Variants in POC1B observed in about 807,000 individuals in gnomAD.
The protein encoded by POC1B is POC1 centriolar protein B.
In POC1B, 44 loss-of-function variants were observed where a neutral mutation model predicts 60.6. That is an observed-to-expected ratio of 0.73 (90% CI 0.57 to 0.93). POC1B has a LOEUF of 0.93. Ranked by LOEUF, POC1B falls within the 40% of genes least tolerant of loss-of-function variation. The probability of loss-of-function intolerance (pLI) is 0.00; values close to 1 mark genes in which losing one functional copy is unlikely to be tolerated. For synonymous variants in POC1B, 180 were observed against 198.9 expected (o/e 0.90, Z 0.80); for missense variants, 555 against 572.3 (o/e 0.97, Z 0.31).
At chr12:89,495,329 CT>C (rs1869189881) in intron 3 of POC1B, among the ~76,000 whole-genome samples, 1 of 152,222 alleles carries the variant, frequency 6.6e-6, no homozygotes. Context: ...CATGCTTCTC[CT>C]CTTGGACCCC....
chr12:89,436,183 C>T (rs1270310533), intron 10 of POC1B, among the ~76,000 whole-genome samples: 2 of 151,806 alleles, frequency 1.3e-5, no homozygotes, highest in African/African-American at 4.8e-5. Flanking sequence ...GATCTCTTGA[C>T]CTTGTGATCC....
chr12:89,416,932 A>C (rs1367196524), downstream of POC1B, among the ~76,000 whole-genome samples: 3 of 152,250 alleles, frequency 2.0e-5, no homozygotes, highest in African/African-American at 7.2e-5. Context: ...AAGGACCCAG[A>C]GGTCCTATCA....
chr12:89,445,400 A>G (rs1384846346), intron 10 of POC1B, among the ~76,000 whole-genome samples: 4 of 152,244 alleles, frequency 2.6e-5, no homozygotes, highest in Admixed American at 6.5e-5. Context: ...TACTGGTACC[A>G]AAATGAAGAT....
chr12:89,491,080 G>A (rs190061676), intron 4 of POC1B, among the ~76,000 whole-genome samples: 3 of 152,230 alleles, frequency 2.0e-5, no homozygotes, highest in Non-Finnish European at 2.9e-5. Flanking sequence ...ACAAGTCAGC[G>A]CTGCTCTTGA....
At chr12:89,461,087 T>A (rs1882465890) in intron 9 of POC1B, 3 of 152,108 alleles carry the variant, frequency 2.0e-5, no homozygotes, top group Admixed American at 2.0e-4. Context: ...AGAATTGTCT[T>A]GGGCCACACA....
At position 89,503,224 on chromosome 12, in the gene POC1B, C is replaced by G. The variant is rs549939779; in HGVS notation, c.101-5882G>C. ...CACTGCAACCTTGCTGCCTGATTCT[C>G]CTGCCTCAGCCTGCCGAGTGCCTGC... On this transcript the variant is annotated intron_variant, in intron 2 of 11. Coordinates refer to ENST00000313546, the MANE Select transcript of POC1B (RefSeq NM_172240.3). Among the ~76,000 whole-genome samples the G allele has an allele frequency of 4.0e-3, 613 of 152,226 alleles. 1 individual carries two copies. Among genetic ancestry groups the G allele is most frequent in the African/African-American group, 0.014 (577 of 41,558 alleles).
At chr12:89,437,562 T>C (rs1881320412) in intron 10 of POC1B, among the ~76,000 whole-genome samples, 2 of 152,166 alleles carry the variant, frequency 1.3e-5, no homozygotes, top group Non-Finnish European at 2.9e-5. Context: ...GTAACTTTTC[T>C]GTCTTCCACT....
Position 89,522,570 on chromosome 12 carries a change from C to A in POC1B, c.100+2550G>T, listed in dbSNP as rs114157238. On this transcript the variant is annotated intron_variant, in intron 2 of 11. Transcript: ENST00000313546. ...ATAGTCAACTTCTTTTAAGAAGAGA[C>A]CATATTGACAAAACTCTTATATAAA... is the stretch of plus-strand genomic sequence containing the variant. 792 of 388,058 alleles carry A rather than the reference C, an allele frequency of 2.0e-3. 12 individuals are homozygous for A. Among genetic ancestry groups the A allele is most frequent in the African/African-American group, 0.015 (705 of 48,398 alleles). The allele number at this position is 388,058 out of a possible 1,614,324, so 24.0% of individuals were successfully genotyped here. A position where few individuals can be genotyped will look rare whatever the true frequency, so the allele number is the denominator to read the frequency against.
intron 4 of POC1B, among the ~76,000 whole-genome samples, chr12:89,475,314 G>A (rs1027156778): frequency 6.6e-6 from 1 of 152,202 alleles, no homozygotes; most frequent in Non-Finnish European, 1.5e-5. Flanking sequence ...CCTCGAATGA[G>A]TTAAAGTACA....
chr12:89,487,566 G>C (rs1868706566), intron 4 of POC1B, among the ~76,000 whole-genome samples: 1 of 152,196 alleles, frequency 6.6e-6, no homozygotes, highest in Non-Finnish European at 1.5e-5. Flanking sequence ...CAGAGGCTGA[G>C]AGCAGGGAGC....
chr12:89,495,953 G>A (rs1362991103), intron 3 of POC1B, among the ~76,000 whole-genome samples: 1 of 152,056 alleles, frequency 6.6e-6, no homozygotes, highest in Non-Finnish European at 1.5e-5. Context: ...TAGAGACAGG[G>A]TTTCACCATG....
chr12:89,412,964 T>C, the POC1B span, among the ~76,000 whole-genome samples: 1 of 147,626 alleles, frequency 6.8e-6, no homozygotes, highest in Admixed American at 6.7e-5. Flanking sequence ...AGTAGCATGA[T>C]ATCGGCTCAC....
At chr12:89,422,382 G>A (rs1378793335) in intron 11 of POC1B, among the ~76,000 whole-genome samples, 3 of 152,038 alleles carry the variant, frequency 2.0e-5, no homozygotes, top group African/African-American at 7.3e-5. Context: ...TAATCTACAG[G>A]TACCCACCCT....
At chr12:89,485,010 AAAG>A (rs959769258) in intron 4 of POC1B, among the ~76,000 whole-genome samples, 4 of 152,232 alleles carry the variant, frequency 2.6e-5, no homozygotes, top group African/African-American at 9.7e-5. Context: ...TGACTTGGCA[AAAG>A]AAGAAGGCCC....
At chr12:89,511,337 C>T (rs2135758321) in intron 2 of POC1B, among the ~76,000 whole-genome samples, 1 of 151,174 alleles carries the variant, frequency 6.6e-6, no homozygotes, top group East Asian at 2.0e-4. Context: ...AATCGCTTGA[C>T]TCCGGGAGGC....
chr12:89,421,106 G>GT lies in POC1B; in HGVS notation c.*46dup, dbSNP rs1307601053. 7.0e-7 allele frequency: 1 copy of GT among 1,418,580 alleles called. No individual in the cohort carries two copies. 87.9% of individuals were successfully genotyped at this position (1,418,580 alleles called of 1,614,324 possible). A position where few individuals can be genotyped will look rare whatever the true frequency, so the allele number is the denominator to read the frequency against. On this transcript the variant is annotated 3_prime_UTR_variant, in exon 12 of 12. Transcript: ENST00000313546. Reference sequence around the variant, plus strand: ...TACCTTCCTGAGTGTATGTACATTTGTTCATTTATTGGGCCTCTGCCCAAC... The same window carrying GT: ...TACCTTCCTGAGTGTATGTACATTTGTTTCATTTATTGGGCCTCTGCCCAAC...
Position 89,491,958 on chromosome 12 carries a change from T to C in POC1B, c.430A>G (p.Thr144Ala). The C allele has an allele frequency of 1.9e-6, 3 of 1,573,948 alleles. No individual in the cohort carries two copies. Among genetic ancestry groups the C allele is most frequent in the Non-Finnish European group, 2.6e-6 (3 of 1,164,704 alleles). The change falls in exon 4 of 12, where the codon ACA becomes GCA. Residue 144 changes from threonine (T) to alanine (A), a missense_variant. Coordinates refer to ENST00000313546, the MANE Select transcript of POC1B (RefSeq NM_172240.3). Reference protein sequence around the residue: ...QRFLYSLYRHTHWVRCAKFSP... With the variant: ...QRFLYSLYRHAHWVRCAKFSP... ...TACTTGGCACAGCGTACCCAGTGTG[T>C]ATGTCGATACAAGGAATACAGGAAG...
At chr12:89,452,644 A>C (rs904357018) in intron 10 of POC1B, among the ~76,000 whole-genome samples, 1 of 152,178 alleles carries the variant, frequency 6.6e-6, no homozygotes, top group Non-Finnish European at 1.5e-5. Context: ...ATCTTAAAAA[A>C]ATTGGGACTT....
chr12:89,442,231 T>C (rs1423105739), intron 10 of POC1B, among the ~76,000 whole-genome samples: 4 of 152,070 alleles, frequency 2.6e-5, no homozygotes, highest in Admixed American at 6.6e-5. Flanking sequence ...CAGGCCAACA[T>C]TCAAATTCAG....
Sources: allele counts gnomAD v4.1 joint callset (sites outside exome capture counted in the v4.1 genomes callset), GRCh38; gene constraint gnomAD v4.1.1; transcripts MANE v1.5; gene names NCBI Gene and HGNC (gene_info 2026-07-23, HGNC 2026-07-21).